Variants in PTPRO observed in about 807,000 individuals in gnomAD.
PTPRO encodes receptor-type tyrosine-protein phosphatase O.
A neutral mutation model predicts 145.2 loss-of-function variants in PTPRO; 62 were observed. The observed-to-expected ratio is 0.43, with a 90% CI of 0.35 to 0.53. PTPRO has a LOEUF of 0.53. Ranked by LOEUF, PTPRO falls within the 20% of genes least tolerant of loss-of-function variation. The pLI, the probability that PTPRO is intolerant of heterozygous loss-of-function variation, is 0.01. For missense variants in PTPRO, 1,345 were observed against 1,482.7 expected (o/e 0.91, Z 1.53); for synonymous variants, 565 against 514.7 (o/e 1.10, Z -1.32).
In PTPRO at chr12:15,499,489, T is replaced by A; in HGVS notation, c.556T>A (p.Cys186Ser). The A allele has an allele frequency of 6.2e-7, 1 of 1,613,654 alleles. No individual in the cohort carries two copies. Among genetic ancestry groups the A allele is most frequent in the Non-Finnish European group, 8.5e-7 (1 of 1,179,606 alleles). The change falls in exon 4 of 27, where the codon TGT becomes AGT. Residue 186 changes from cysteine (C) to serine (S), a missense_variant. By Grantham distance (112) the Cys-to-Ser change is moderately radical (BLOSUM62 -1). This residue lies in a region of PTPRO where 1,130 missense variants were observed against 1,214.7 expected (regional missense o/e 0.93). Coordinates refer to ENST00000281171, the MANE Select transcript of PTPRO (RefSeq NM_030667.3). ...ATTTAATCACTGGCTGCCAGGAATG[T>A]GTTATAGTAATATCACCTTTCAGCT... Reference protein sequence around the residue: ...TVFNHWLPGMCYSNITFQLVS... With the variant: ...TVFNHWLPGMSYSNITFQLVS...
At chr12:15,557,036 T>G (rs1174467375) in intron 15 of PTPRO, among the ~76,000 whole-genome samples, 1 of 151,112 alleles carries the variant, frequency 6.6e-6, no homozygotes, top group South Asian at 2.1e-4. Context: ...TATTTTGTTT[T>G]TTTTTTTTTT....
chr12:15,502,148 C>A, intron 5 of PTPRO, 85 bp downstream of exon 5: 1 of 1,314,028 alleles, frequency 7.6e-7, no homozygotes, highest in Non-Finnish European at 1.1e-6. Context: ...TTTAGAAAGA[C>A]TGATCATAGA....
rs1944686795 is a variant in PTPRO at position 15,597,761 on chromosome 12, T to C, written c.*1688T>C. On this transcript the variant is annotated 3_prime_UTR_variant, in exon 27 of 27. Coordinates refer to ENST00000281171, the MANE Select transcript of PTPRO (RefSeq NM_030667.3). ...GGTTGTCAGTTCCTACTCACCTCCCTGCTACCACCTCCTCCTCTTCTTCTC... is the reference window on the plus strand; with the variant it reads ...GGTTGTCAGTTCCTACTCACCTCCCCGCTACCACCTCCTCCTCTTCTTCTC... Among the ~76,000 whole-genome samples, 1 of 152,236 alleles carries C rather than the reference T, an allele frequency of 6.6e-6. No homozygotes were observed. Among genetic ancestry groups the C allele is most frequent in the South Asian group, 2.1e-4 (1 of 4,828 alleles).
chr12:15,359,138 C>T (rs1565584439), intron 1 of PTPRO, among the ~76,000 whole-genome samples: 1 of 152,142 alleles, frequency 6.6e-6, no homozygotes, highest in Non-Finnish European at 1.5e-5. Context: ...TTGTATTTTC[C>T]AGATGATCAG....
rs1941835118 is a variant in PTPRO, at chr12:15,484,034, G to GA, written c.136_137insA (p.Ala46AspfsTer18). On this transcript the variant is annotated frameshift_variant, in exon 2 of 27. Transcript: ENST00000281171. LOFTEE classifies it high-confidence loss of function. Reference sequence around the variant, plus strand: ...TAATAACATCGTTGTCTCATTAGAAGCTTCAGACGTCATCAGTCCAGCATC... The same window carrying GA: ...TAATAACATCGTTGTCTCATTAGAAGACTTCAGACGTCATCAGTCCAGCATC... 6.2e-7 allele frequency: 1 copy of GA among 1,613,534 alleles called. No homozygotes were observed. The highest frequency in any genetic ancestry group is 1.3e-5 in the African/African-American group (1 of 74,892).
chr12:15,557,332 G>C, intron 15 of PTPRO, 123 bp from the exon 16 acceptor site: 4 of 953,176 alleles, frequency 4.2e-6, no homozygotes, highest in South Asian at 2.7e-5. Context: ...ACCTGGCCTA[G>C]CTTCTTCTTT....
intron 22 of PTPRO, among the ~76,000 whole-genome samples, chr12:15,581,298 CTTTT>C (rs147606138): frequency 3.3e-5 from 4 of 122,986 alleles, no homozygotes; most frequent in Admixed American, 9.0e-5. Flanking sequence ...TGAGTGCTTT[CTTTT>C]TTTTTTTTTT....
chr12:15,527,875 A>AACCCCCCCCCCCCCCC (rs1942873389), intron 12 of PTPRO, among the ~76,000 whole-genome samples: 2 of 137,646 alleles, frequency 1.5e-5, no homozygotes, highest in Non-Finnish European at 3.1e-5. Context: ...GGGAACTGTG[A>AACCCCCCCCCCCCCCC]CCCGCCCACG....
intron 1 of PTPRO, among the ~76,000 whole-genome samples, chr12:15,353,180 A>G (rs1937867101): frequency 1.3e-5 from 2 of 152,184 alleles, no homozygotes; most frequent in Admixed American, 6.5e-5. Context: ...CTTACCACAC[A>G]TGAAAACACA....
At chr12:15,530,954 A>G (rs533625134) in intron 12 of PTPRO, among the ~76,000 whole-genome samples, 1 of 152,258 alleles carries the variant, frequency 6.6e-6, no homozygotes, top group Admixed American at 6.5e-5. Context: ...ATTTAAAAAG[A>G]TAAAATCAAC....
chr12:15,571,835 A>G (rs1278925809), intron 19 of PTPRO, among the ~76,000 whole-genome samples: 2 of 152,196 alleles, frequency 1.3e-5, no homozygotes, highest in Non-Finnish European at 2.9e-5. Context: ...TAAGAAGGGC[A>G]TTATCTCCCA....
chr12:15,439,344 C>G (rs1940691234), intron 1 of PTPRO, among the ~76,000 whole-genome samples: 1 of 152,152 alleles, frequency 6.6e-6, no homozygotes, highest in Non-Finnish European at 1.5e-5. Flanking sequence ...GCCTGCAGAC[C>G]ATATAAAGCA....
chr12:15,373,020 T>G (rs1938576391), intron 1 of PTPRO, among the ~76,000 whole-genome samples: 1 of 152,168 alleles, frequency 6.6e-6, no homozygotes, highest in South Asian at 2.1e-4. Flanking sequence ...AATTGGAGTG[T>G]AAGTTTATAG....
At chr12:15,581,952 C>T in intron 23 of PTPRO, 151 bp downstream of exon 23, 3 of 1,036,482 alleles carry the variant, frequency 2.9e-6, no homozygotes, top group Non-Finnish European at 4.3e-6. Flanking sequence ...AGGGGTCTCA[C>T]AGCTTTAAGA....
intron 14 of PTPRO, among the ~76,000 whole-genome samples, chr12:15,551,263 A>C (rs1451990636): frequency 6.6e-6 from 1 of 152,196 alleles, no homozygotes; most frequent in Non-Finnish European, 1.5e-5. Flanking sequence ...AAACTGTGGC[A>C]CAGGTATTCT....
chr12:15,363,799 A>C (rs1019950957), intron 1 of PTPRO, among the ~76,000 whole-genome samples: 2 of 152,154 alleles, frequency 1.3e-5, no homozygotes, highest in African/African-American at 4.8e-5. Context: ...CTGTTATTTT[A>C]ATATTTGTTC....
chr12:15,366,649 G>A (rs1020537102), intron 1 of PTPRO, among the ~76,000 whole-genome samples: 2 of 152,132 alleles, frequency 1.3e-5, no homozygotes, highest in African/African-American at 4.8e-5. Context: ...TTATTTTTGA[G>A]TTTGAGGTGT....
intron 19 of PTPRO, among the ~76,000 whole-genome samples, chr12:15,572,261 A>T (rs1315289060): frequency 1.3e-5 from 2 of 152,228 alleles, no homozygotes; most frequent in Non-Finnish European, 2.9e-5. Context: ...ATGGATTGAA[A>T]CTGCCCAGGC....
At chr12:15,394,912 A>T (rs1351818674) in intron 1 of PTPRO, among the ~76,000 whole-genome samples, 1 of 152,238 alleles carries the variant, frequency 6.6e-6, no homozygotes, top group Non-Finnish European at 1.5e-5. Context: ...ACAACACAGG[A>T]ATGAAAGAAA....
Sources: gnomAD v4.1 joint callset for allele counts (sites outside exome capture counted in the v4.1 genomes callset) on GRCh38, gnomAD v4.1.1 for gene constraint, gnomAD v4.1.1 regional missense constraint, MANE v1.5 for transcripts, NCBI Gene and HGNC (gene_info 2026-07-23, HGNC 2026-07-21) for gene names.